The following UTP6 variants were observed in gnomAD, a reference collection of about 807,000 sequenced individuals.
UTP6 encodes the protein UTP6 small subunit processome component.
A neutral mutation model predicts 96.5 loss-of-function variants in UTP6; 60 were observed. The ratio of observed to expected loss-of-function variants is 0.62; its 90% CI spans 0.51 to 0.77. The LOEUF is 0.77. Among genes scored for constraint, UTP6 ranks in the 30% least tolerant of loss-of-function variants. The probability of loss-of-function intolerance (pLI) is 0.00; values close to 1 mark genes in which losing one functional copy is unlikely to be tolerated. For synonymous variants in UTP6, 215 were observed against 240.1 expected (o/e 0.90, Z 0.96); for missense variants, 637 against 706.5 (o/e 0.90, Z 1.12).
chr17:31,863,868 T>C lies in UTP6; in HGVS notation c.1637-352A>G, dbSNP rs980761089. 2.0e-5 allele frequency among the ~76,000 whole-genome samples: 3 copies of C among 152,038 alleles called. No homozygotes were observed. In the South Asian group the frequency reaches 6.2e-4, roughly 31 times the overall value. ...CAGGCACACCACCATATTAGGCTAA[T>C]TTTTTTATTTTTTGTAGAAACAGGG... On this transcript the variant is annotated intron_variant, in intron 18 of 18. Coordinates refer to ENST00000261708, the MANE Select transcript of UTP6 (RefSeq NM_018428.3).
At chr17:31,870,157 T>C (rs989713099) in intron 16 of UTP6, among the ~76,000 whole-genome samples, 1 of 152,310 alleles carries the variant, frequency 6.6e-6, no homozygotes, top group East Asian at 1.9e-4. Flanking sequence ...GTCTTTTTGG[T>C]AGAATTATTT....
Position 31,901,690 on chromosome 17 carries a change from CG to C in UTP6, c.-64del. ...ACAGCGAACACGAGCAGGAAGCTCC[CG>C]GTTTCAGGTTCGGAGACCCAGCCCT... On this transcript the variant is annotated 5_prime_UTR_variant, in exon 1 of 19. Transcript: ENST00000261708. 3.9e-6 allele frequency: 6 copies of C among 1,543,304 alleles called. No homozygotes were observed. The highest frequency in any genetic ancestry group is 5.3e-6 in the Non-Finnish European group (6 of 1,123,692).
At chr17:31,898,568 T>A (rs1904789659) in intron 2 of UTP6, among the ~76,000 whole-genome samples, 1 of 150,732 alleles carries the variant, frequency 6.6e-6, no homozygotes. Context: ...ATTCTAGAAC[T>A]GATTTTAAAT....
At chr17:31,874,642 G>C (rs1214547926) in intron 14 of UTP6, among the ~76,000 whole-genome samples, 1 of 151,994 alleles carries the variant, frequency 6.6e-6, no homozygotes, top group Admixed American at 6.6e-5. Flanking sequence ...TCACTGCAAA[G>C]TGAATCTGGC....
At chr17:31,880,868 C>G (rs1379864543) in intron 10 of UTP6, 114 bp from the exon 11 acceptor site, 1 of 1,410,438 alleles carries the variant, frequency 7.1e-7, no homozygotes, top group African/African-American at 1.4e-5. Context: ...GTAACAACTG[C>G]AGTACCATAA....
At position 31,901,517 on chromosome 17, in the gene UTP6, C is replaced by T. The variant is rs760328996; in HGVS notation, c.92+19G>A. 10 of 1,612,930 alleles carry T rather than the reference C, an allele frequency of 6.2e-6. No individual in the cohort carries two copies. Among genetic ancestry groups the T allele is most frequent in the African/African-American group, 1.3e-5 (1 of 74,918 alleles). On this transcript the variant is annotated intron_variant, in intron 1 of 18. Transcript: ENST00000261708. The stretch of plus-strand genomic sequence containing the variant: ...CCTCAGGCCGCCTCAGCTCTTCCCT[C>T]TCCCCAACCCTCTCTCACTTAATCT...
intron 17 of UTP6, among the ~76,000 whole-genome samples, chr17:31,867,592 C>A (rs901125074): frequency 2.0e-5 from 3 of 151,896 alleles, no homozygotes; most frequent in Non-Finnish European, 4.4e-5. Flanking sequence ...CTTAAACCAG[C>A]TCTATGGAAA....
chr17:31,881,677 C>T (rs779764912), intron 10 of UTP6, among the ~76,000 whole-genome samples: 6 of 152,072 alleles, frequency 3.9e-5, no homozygotes, highest in African/African-American at 1.4e-4. Flanking sequence ...TCTGTGACAA[C>T]ACAAGACTCC....
At chr17:31,899,886 C>G (rs1051325309) in intron 1 of UTP6, among the ~76,000 whole-genome samples, 156 bp from the exon 2 acceptor site, 2 of 152,104 alleles carry the variant, frequency 1.3e-5, no homozygotes, top group Non-Finnish European at 2.9e-5. Flanking sequence ...TGGCTCATGC[C>G]TGGAATCCCA....
In UTP6 at chr17:31,875,297, G is replaced by A. The variant is rs748597148; in HGVS notation, c.1242C>T (p.Ile414=). 1.8e-5 allele frequency: 29 copies of A among 1,614,036 alleles called. No individual in the cohort carries two copies. Among genetic ancestry groups the A allele is most frequent in the Middle Eastern group, 3.3e-4 (2 of 6,084 alleles). The change falls in exon 14 of 19, where the codon ATC becomes ATT. Residue 414 remains isoleucine (I), a synonymous_variant. Transcript: ENST00000261708. The part of the protein sequence containing the change: ...TMWQLKLQVL[I]ESKSPDIAML... ...TGGCTATGTCAGGGCTCTTTGACTC[G>A]ATCAGCACCTGCAGCTTCAGCTGCC...
At position 31,880,691 on chromosome 17, in the gene UTP6, C is replaced by G. The variant is rs764318037; in HGVS notation, c.849G>C (p.Glu283Asp). Residue 283 changes from glutamate to aspartate, a missense_variant, in exon 11 of 19, where the codon GAG (glutamate) becomes GAC (aspartate). Transcript: ENST00000261708. ...GCTGCTCTTCTGTCTGTGACTCAAT[C>G]TCTAATTCTCGCCTTGCCACATAAT... ...TWDYVARREL[E>D]IESQTEEQPT... 4 of 1,614,158 alleles carry G rather than the reference C, an allele frequency of 2.5e-6. No individual in the cohort carries two copies. Among genetic ancestry groups the G allele is most frequent in the Admixed American group, 1.7e-5 (1 of 59,998 alleles).
chr17:31,886,991 C>T (rs1389177885), intron 8 of UTP6, among the ~76,000 whole-genome samples: 1 of 152,002 alleles, frequency 6.6e-6, no homozygotes, highest in Admixed American at 6.6e-5. Flanking sequence ...TTATAAGTAA[C>T]ACTAACTCAT....
intron 14 of UTP6, chr17:31,874,045 T>C (rs981782938): frequency 6.4e-6 from 2 of 311,628 alleles, no homozygotes; most frequent in Admixed American, 1.0e-4. Context: ...AGCAACACTC[T>C]TCTGTGAATT....
rs76259944 is a variant in UTP6 at position 31,865,884 on chromosome 17, T to C, written c.1564-446A>G. 3.6e-3 allele frequency among the ~76,000 whole-genome samples: 547 copies of C among 152,284 alleles called. 7 individuals are homozygous for C. Among genetic ancestry groups the C allele is most frequent in the African/African-American group, 0.013 (522 of 41,548 alleles). ...GACCTTCAGCAAGTTTTTGAACCCT[T>C]TGACCTTAAACATTTCCTCACCTAT... On this transcript the variant is annotated intron_variant, in intron 17 of 18. Transcript: ENST00000261708.
At chr17:31,881,456 A>G (rs568312854) in intron 10 of UTP6, among the ~76,000 whole-genome samples, 28 of 152,064 alleles carry the variant, frequency 1.8e-4, no homozygotes, top group African/African-American at 6.0e-4. Flanking sequence ...TTTGGGAGAG[A>G]TGAGTTTTCA....
chr17:31,866,604 T>A (rs1322581377), intron 17 of UTP6: 3 of 151,226 alleles, frequency 2.0e-5, no homozygotes, highest in African/African-American at 7.3e-5. Context: ...TGGTGGTGCA[T>A]GCCTGTAATC....
intron 18 of UTP6, among the ~76,000 whole-genome samples, chr17:31,864,508 T>C (rs575840790): frequency 2.7e-4 from 41 of 152,364 alleles, no homozygotes; most frequent in Non-Finnish European, 4.1e-4. Context: ...AATGTGGAGA[T>C]AGTCAACAAC....
At chr17:31,871,335 C>T (rs946556074) in intron 16 of UTP6, among the ~76,000 whole-genome samples, 5 of 152,062 alleles carry the variant, frequency 3.3e-5, no homozygotes, top group Admixed American at 1.3e-4. Context: ...GTTGCCCACG[C>T]TCGTCTCAAA....
At chr17:31,882,853 A>G (rs1466756974) in intron 10 of UTP6, among the ~76,000 whole-genome samples, 2 of 151,870 alleles carry the variant, frequency 1.3e-5, no homozygotes, top group African/African-American at 4.8e-5. Context: ...TGATGCAATA[A>G]CAGCTCACGG....
Sources: gnomAD v4.1 joint callset for allele counts (sites outside exome capture counted in the v4.1 genomes callset) on GRCh38, gnomAD v4.1.1 for gene constraint, MANE v1.5 for transcripts, NCBI Gene and HGNC (gene_info 2026-07-23, HGNC 2026-07-21) for gene names.